NBAS: variants seen among roughly 807,000 people sequenced by gnomAD.
The protein encoded by NBAS is NBAS subunit of NRZ tethering complex, also known as NAG/BC035112 fusion.
In NBAS, 219 loss-of-function variants were observed where a neutral mutation model predicts 302.5. The ratio of observed to expected loss-of-function variants is 0.72; its 90% CI spans 0.65 to 0.81. The LOEUF (loss-of-function observed/expected upper bound fraction) is 0.81, where lower values mean the gene tolerates loss of function less well. NBAS is among the 30% of genes least tolerant of loss of function. The pLI, the probability that NBAS is intolerant of heterozygous loss-of-function variation, is 0.00. For missense variants in NBAS, 2,932 were observed against 2,841.6 expected, an observed-to-expected ratio of 1.03 and a Z score of -0.72; for synonymous variants, 1,118 against 1,021.6, an observed-to-expected ratio of 1.09 and a Z score of -1.80.
intron 47 of NBAS, among the ~76,000 whole-genome samples, chr2:15,231,936 C>A (rs906898407): frequency 2.6e-5 from 4 of 152,106 alleles, no homozygotes; most frequent in African/African-American, 9.7e-5. Flanking sequence ...ATGAAAAATT[C>A]TTTCTAAAAA....
At chr2:15,309,121 C>T in intron 39 of NBAS, 50 bp downstream of exon 39, 1 of 1,463,050 alleles carries the variant, frequency 6.8e-7, no homozygotes, top group Non-Finnish European at 9.5e-7. Context: ...TCACAGCATA[C>T]ATTTTCCATT....
At chr2:14,975,810 T>C in the NBAS span, among the ~76,000 whole-genome samples, 1 of 151,394 alleles carries the variant, frequency 6.6e-6, no homozygotes, top group Admixed American at 6.6e-5. Context: ...TCAGCCATTG[T>C]TTCATCATGA....
intron 14 of NBAS, among the ~76,000 whole-genome samples, chr2:15,474,552 CTT>C (rs1680106561): frequency 8.1e-5 from 12 of 147,810 alleles, no homozygotes; most frequent in Admixed American, 7.5e-4. Context: ...CTGTTTTTTT[CTT>C]CTTCTTCTTC....
intron 30 of NBAS, among the ~76,000 whole-genome samples, chr2:15,378,108 T>C (rs891057880): frequency 7.2e-5 from 11 of 152,216 alleles, no homozygotes; most frequent in African/African-American, 2.7e-4. Flanking sequence ...TCTACCTTTC[T>C]TCAGTTTATT....
intron 25 of NBAS, among the ~76,000 whole-genome samples, chr2:15,405,584 A>G (rs1440175670): frequency 6.6e-6 from 1 of 152,206 alleles, no homozygotes; most frequent in African/African-American, 2.4e-5. Flanking sequence ...GCCGCAGATC[A>G]TCACCCATAC....
intron 9 of NBAS, among the ~76,000 whole-genome samples, chr2:15,523,178 C>A (rs1445228842): frequency 6.6e-6 from 1 of 152,154 alleles, no homozygotes; most frequent in Non-Finnish European, 1.5e-5. Context: ...GTTTACAGTA[C>A]TGCACTAAAC....
intron 21 of NBAS, among the ~76,000 whole-genome samples, chr2:15,443,974 C>T (rs1678586031): frequency 6.6e-6 from 1 of 151,644 alleles, no homozygotes; most frequent in Non-Finnish European, 1.5e-5. Context: ...TCAAGGAGAA[C>T]TACAAACCAC....
At chr2:14,781,746 C>CAAAA in the NBAS span, among the ~76,000 whole-genome samples, 35,561 of 135,336 alleles carry the variant, frequency 0.26, 4,806 homozygotes, top group East Asian at 0.39. Flanking sequence ...GCTATTGTGA[C>CAAAA]AAAAAAAAAA....
intron 22 of NBAS, among the ~76,000 whole-genome samples, chr2:15,425,833 A>T (rs1677444903): frequency 6.6e-6 from 1 of 152,042 alleles, no homozygotes; most frequent in Admixed American, 6.5e-5. Context: ...CCTCCTCAGC[A>T]CCCTTTGATA....
chr2:15,429,037 CAA>C (rs11405002), intron 21 of NBAS, among the ~76,000 whole-genome samples: 16 of 132,502 alleles, frequency 1.2e-4, no homozygotes, highest in Admixed American at 2.3e-4. Context: ...TACTCTGTCT[CAA>C]AAAAAAAAAA....
intron 3 of NBAS, among the ~76,000 whole-genome samples, chr2:15,555,292 G>C (rs1289251115): frequency 1.3e-5 from 2 of 150,904 alleles, no homozygotes; most frequent in Non-Finnish European, 2.9e-5. Flanking sequence ...TAATATACAT[G>C]TAGTACATTT....
At chr2:14,967,067 A>G in the NBAS span, among the ~76,000 whole-genome samples, 12 of 152,202 alleles carry the variant, frequency 7.9e-5, no homozygotes, top group Non-Finnish European at 1.6e-4. Context: ...GAAATTATGA[A>G]CTACTTAGTG....
chr2:15,389,052 A>G (rs1338770319), intron 28 of NBAS, among the ~76,000 whole-genome samples: 7 of 152,154 alleles, frequency 4.6e-5, no homozygotes. Flanking sequence ...ATAGCATCCT[A>G]CTTTAGCAAC....
the NBAS span, among the ~76,000 whole-genome samples, chr2:15,150,251 A>G: frequency 6.6e-6 from 1 of 152,166 alleles, no homozygotes; most frequent in South Asian, 2.1e-4. Context: ...ATACCTTTGG[A>G]CTATGGAAAA....
intron 22 of NBAS, among the ~76,000 whole-genome samples, chr2:15,427,238 G>C (rs1677524324): frequency 6.6e-6 from 1 of 152,030 alleles, no homozygotes; most frequent in African/African-American, 2.4e-5. Flanking sequence ...CGACTTTGAG[G>C]AGTAGGGCAT....
chr2:15,194,950 T>C (rs1239485040), intron 48 of NBAS, among the ~76,000 whole-genome samples: 1 of 151,624 alleles, frequency 6.6e-6, no homozygotes, highest in Non-Finnish European at 1.5e-5. Context: ...ATATAGAAAA[T>C]TCAAAGAAAT....
At chr2:14,922,736 C>T in the NBAS span, among the ~76,000 whole-genome samples, 64 of 152,080 alleles carry the variant, frequency 4.2e-4, no homozygotes, top group Non-Finnish European at 4.4e-4. Flanking sequence ...TCCATAACAG[C>T]GAGACAGTAG....
chr2:15,468,569 T>A, intron 16 of NBAS, 36 bp from the exon 17 acceptor site: 1 of 1,606,352 alleles, frequency 6.2e-7, no homozygotes, highest in South Asian at 1.1e-5. Flanking sequence ...AATTACAGAA[T>A]CCATGACATC....
intron 19 of NBAS, among the ~76,000 whole-genome samples, chr2:15,462,934 A>G (rs1679568955): frequency 6.6e-6 from 1 of 152,218 alleles, no homozygotes; most frequent in Non-Finnish European, 1.5e-5. Flanking sequence ...AAAGGGAAAA[A>G]GAATTTAATG....
Sources: allele counts gnomAD v4.1 joint callset (sites outside exome capture counted in the v4.1 genomes callset), GRCh38; gene constraint gnomAD v4.1.1; transcripts MANE v1.5; gene names NCBI Gene and HGNC (gene_info 2026-07-23, HGNC 2026-07-21).